The following FEM1C variants were observed in gnomAD, a reference collection of about 807,000 sequenced individuals.
The protein encoded by FEM1C is protein fem-1 homolog C.
FEM1C carries 15 observed loss-of-function variants against 37.6 expected under a neutral mutation model. The observed-to-expected ratio is 0.40, with a 90% CI of 0.27 to 0.61. The LOEUF (loss-of-function observed/expected upper bound fraction) is 0.61, where lower values mean the gene tolerates loss of function less well. Ranked by LOEUF, FEM1C falls within the 20% of genes least tolerant of loss-of-function variation. The pLI, the probability that FEM1C is intolerant of heterozygous loss-of-function variation, is 0.42. For missense variants in FEM1C, 532 were observed against 749.7 expected (o/e 0.71, Z 3.39); for synonymous variants, 287 against 272.8 (o/e 1.05, Z -0.51).
chr5:115,544,212 TCCG>T, intron 1 of FEM1C: 10 of 982,014 alleles, frequency 1.0e-5, no homozygotes, highest in Non-Finnish European at 1.2e-5. Context: ...TCTCAGGAAA[TCCG>T]CCTGCCTTTT....
Position 115,524,924 on chromosome 5 carries a change from C to T in FEM1C, c.1238G>A (p.Gly413Asp). Residue 413 changes from glycine to aspartate, a missense_variant, in exon 3 of 3, where the codon GGC (glycine) becomes GAC (aspartate). Gly to Asp is a moderately conservative substitution (Grantham distance 94). Transcript: ENST00000274457. ...GTTVTFDDLM[G>D]ILCKSVLEIE... ...TTCAAGGACGCTTTTGCAAAGTATG[C>T]CCATAAGATCATCAAATGTAACAGT... The T allele has an allele frequency of 1.2e-6, 2 of 1,613,712 alleles. No individual in the cohort carries two copies. Among genetic ancestry groups the T allele is most frequent in the South Asian group, 2.2e-5 (2 of 91,066 alleles).
intron 2 of FEM1C, among the ~76,000 whole-genome samples, chr5:115,541,908 G>C (rs969129721): frequency 7.9e-5 from 12 of 152,108 alleles, no homozygotes; most frequent in African/African-American, 2.9e-4. Context: ...ACTGTAAATA[G>C]TGGTTGTCAG....
Position 115,543,638 on chromosome 5 carries a change from TG to T in FEM1C, c.-146del, listed in dbSNP as rs1754289730. ...AACGGATACACAACCACGAAGAGTATGTTCCGTCCTACTGCTTTCCAACATC... is the reference window on the plus strand; with the variant it reads ...AACGGATACACAACCACGAAGAGTATTTCCGTCCTACTGCTTTCCAACATC... On this transcript the variant is annotated 5_prime_UTR_variant, in exon 2 of 3. An upstream open reading frame in the 5' UTR loses its in-frame stop. Coordinates refer to ENST00000274457, the MANE Select transcript of FEM1C (RefSeq NM_020177.3). 1 of 1,426,378 alleles carries T rather than the reference TG, an allele frequency of 7.0e-7. No homozygotes were observed. The highest frequency in any genetic ancestry group is 9.1e-7 in the Non-Finnish European group (1 of 1,096,160). The allele number at this position is 1,426,378 out of a possible 1,614,324, so 88.4% of individuals were successfully genotyped here.
At position 115,522,850 on chromosome 5, in the gene FEM1C, T is replaced by C. The variant is rs1753803282; in HGVS notation, c.*1458A>G. On this transcript the variant is annotated 3_prime_UTR_variant, in exon 3 of 3. Transcript: ENST00000274457. ...TTCTGAATTACAATAAAGTGCTGAA[T>C]GATAATTACCTGAATCTTTTTTAGT... is the stretch of plus-strand genomic sequence containing the variant. 1 of 152,424 alleles carries C rather than the reference T, an allele frequency of 6.6e-6. No individual in the cohort carries two copies. The highest frequency in any genetic ancestry group is 1.5e-5 in the Non-Finnish European group (1 of 67,906). The allele number at this position is 152,424 out of a possible 1,614,324, so 9.4% of individuals were successfully genotyped here.
At chr5:115,536,874 C>T (rs866101554) in intron 2 of FEM1C, among the ~76,000 whole-genome samples, 3 of 151,924 alleles carry the variant, frequency 2.0e-5, no homozygotes, top group Middle Eastern at 3.2e-3. Flanking sequence ...AAGATGCATT[C>T]TTATAACCTG....
intron 2 of FEM1C, among the ~76,000 whole-genome samples, chr5:115,536,803 A>G (rs1754138812): frequency 6.6e-6 from 1 of 152,056 alleles, no homozygotes; most frequent in Non-Finnish European, 1.5e-5. Context: ...AAATTTAACA[A>G]TAAAGGTCCT....
rs1292172452 is a variant in FEM1C, at chr5:115,543,475, C to G, written c.19G>C (p.Val7Leu). 1 of 1,611,246 alleles carries G rather than the reference C, an allele frequency of 6.2e-7. No individual in the cohort carries two copies. The highest frequency in any genetic ancestry group is 1.1e-5 in the South Asian group (1 of 90,850). The part of the protein sequence containing the change: MDLKTA[V>L]FNAARDGKLR... ...TTGCCATCCCGAGCTGCGTTAAATA[C>G]TGCTGTCTTTAGATCCATTTATGTC... Residue 7 changes from valine to leucine, a missense_variant, in exon 2 of 3, where the codon GTA (valine) becomes CTA (leucine). Coordinates refer to ENST00000274457, the MANE Select transcript of FEM1C (RefSeq NM_020177.3).
Position 115,542,938 on chromosome 5 carries a change from A to G in FEM1C, c.544+12T>C, listed in dbSNP as rs762120949. The G allele has an allele frequency of 1.9e-6, 3 of 1,602,900 alleles. No individual in the cohort carries two copies. The highest frequency in any genetic ancestry group is 8.5e-7 in the Non-Finnish European group (1 of 1,174,146). On this transcript the variant is annotated intron_variant, in intron 2 of 2. Transcript: ENST00000274457. ...TGGTAGACATTTAGAAAAACAAAGA[A>G]GCTGAACTCACCTTTGACACTTTTT...
intron 2 of FEM1C, among the ~76,000 whole-genome samples, chr5:115,533,728 A>G (rs1161451955): frequency 6.6e-6 from 1 of 152,000 alleles, no homozygotes; most frequent in African/African-American, 2.4e-5. Flanking sequence ...TGAGAAAGAC[A>G]ATGAACAATA....
In FEM1C at chr5:115,521,441, A is replaced by G. The variant is rs1013484148; in HGVS notation, c.*2867T>C. ...TCAAATTCATAATGGGCACCAAATT[A>G]TCTTTGATTTGGGTTTATGCCTGTC... On this transcript the variant is annotated 3_prime_UTR_variant, in exon 3 of 3. Transcript: ENST00000274457. 4.6e-5 allele frequency: 7 copies of G among 151,874 alleles called. No homozygotes were observed. The highest frequency in any genetic ancestry group is 1.7e-4 in the African/African-American group (7 of 41,426). The allele number at this position is 151,874 out of a possible 1,614,324, so 9.4% of individuals were successfully genotyped here.
chr5:115,544,031 T>C, intron 1 of FEM1C: 1 of 985,252 alleles, frequency 1.0e-6, no homozygotes. Context: ...GAGACTCGGG[T>C]TCAGAAATGT....
At chr5:115,537,411 A>G (rs943342057) in intron 2 of FEM1C, among the ~76,000 whole-genome samples, 12 of 152,036 alleles carry the variant, frequency 7.9e-5, no homozygotes, top group African/African-American at 2.9e-4. Context: ...CTCAGGATCT[A>G]CTCATTCTCA....
At chr5:115,536,808 G>A (rs1754138952) in intron 2 of FEM1C, among the ~76,000 whole-genome samples, 1 of 151,982 alleles carries the variant, frequency 6.6e-6, no homozygotes, top group Admixed American at 6.6e-5. Context: ...TAACAATAAA[G>A]GTCCTTGAGC....
intron 2 of FEM1C, among the ~76,000 whole-genome samples, chr5:115,538,772 G>C (rs1446823983): frequency 4.6e-5 from 7 of 151,786 alleles, no homozygotes; most frequent in Non-Finnish European, 5.9e-5. Context: ...TCCAATTCCT[G>C]GACCCTCCAA....
chr5:115,537,441 G>T (rs1754152098), intron 2 of FEM1C, among the ~76,000 whole-genome samples: 2 of 151,956 alleles, frequency 1.3e-5, no homozygotes, highest in African/African-American at 4.8e-5. Context: ...TCAATTCTGT[G>T]AGGATTCACA....
intron 2 of FEM1C, among the ~76,000 whole-genome samples, chr5:115,532,067 A>G (rs1398775010): frequency 6.6e-6 from 1 of 152,120 alleles, no homozygotes; most frequent in East Asian, 1.9e-4. Context: ...AAATCTCACT[A>G]GAAATTTCAA....
intron 2 of FEM1C, among the ~76,000 whole-genome samples, chr5:115,534,167 C>T (rs1452538108): frequency 6.6e-6 from 1 of 152,062 alleles, no homozygotes; most frequent in South Asian, 2.1e-4. Context: ...CACTGGGATG[C>T]TTCTGGGATG....
intron 2 of FEM1C, 148 bp from the exon 3 acceptor site, chr5:115,525,765 AT>A (rs1030576299): frequency 1.7e-6 from 1 of 594,960 alleles, no homozygotes. Flanking sequence ...AGAAAAAAAA[AT>A]TCCCCCAGTA....
intron 2 of FEM1C, among the ~76,000 whole-genome samples, chr5:115,533,364 G>A (rs908064740): frequency 3.9e-5 from 6 of 151,976 alleles, no homozygotes; most frequent in South Asian, 2.1e-4. Flanking sequence ...TAAATTTACC[G>A]TAAATATTTT....
Sources: allele counts gnomAD v4.1 joint callset (sites outside exome capture counted in the v4.1 genomes callset), GRCh38; gene constraint gnomAD v4.1.1; transcripts MANE v1.5; gene names NCBI Gene and HGNC (gene_info 2026-07-23, HGNC 2026-07-21).